The following MPPED2 variants were observed in gnomAD, a reference collection of about 807,000 sequenced individuals.
MPPED2 encodes metallophosphoesterase MPPED2.
In MPPED2, 5 loss-of-function variants were observed where a neutral mutation model predicts 33.0. The ratio of observed to expected loss-of-function variants is 0.15; its 90% CI spans 0.08 to 0.32. The LOEUF is 0.32. MPPED2 is among the 10% of genes least tolerant of loss of function. The probability of loss-of-function intolerance (pLI) is 1.00; values close to 1 mark genes in which losing one functional copy is unlikely to be tolerated. For missense variants in MPPED2, 275 were observed against 372.1 expected (o/e 0.74, Z 2.15); for synonymous variants, 136 against 141.9 (o/e 0.96, Z 0.29).
At chr11:30,508,305 T>C (rs905399003) in intron 3 of MPPED2, among the ~76,000 whole-genome samples, 1 of 152,340 alleles carries the variant, frequency 6.6e-6, no homozygotes, top group East Asian at 1.9e-4. Context: ...AGGGTCTTTG[T>C]TCCTAGACAT....
chr11:30,529,279 A>G (rs180932662), intron 3 of MPPED2, among the ~76,000 whole-genome samples: 4 of 152,378 alleles, frequency 2.6e-5, no homozygotes, highest in Admixed American at 6.5e-5. Context: ...AATGTTATAC[A>G]TCAAATAGTA....
At chr11:30,446,313 G>A (rs903526014) in intron 4 of MPPED2, among the ~76,000 whole-genome samples, 13 of 152,136 alleles carry the variant, frequency 8.5e-5, no homozygotes, top group African/African-American at 2.9e-4. Context: ...ACCACTTATT[G>A]AGCACCTAGC....
chr11:30,410,826 G>C lies in MPPED2; in HGVS notation c.*642C>G, dbSNP rs1450802801. The C allele has an allele frequency of 1.3e-5, 13 of 985,526 alleles. No individual in the cohort carries two copies. Among genetic ancestry groups the C allele is most frequent in the Non-Finnish European group, 1.6e-5 (13 of 829,834 alleles). 61.0% of individuals were successfully genotyped at this position (985,526 alleles called of 1,614,324 possible). A position where few individuals can be genotyped will look rare whatever the true frequency, so the allele number is the denominator to read the frequency against. On this transcript the variant is annotated 3_prime_UTR_variant, in exon 7 of 7. Transcript: ENST00000358117. ...TTTTTAAAGCTGAAATAATTTAAAA[G>C]AAACAAACAAACAATGAGACCTTGT...
At chr11:30,511,930 T>G (rs905665274) in intron 3 of MPPED2, among the ~76,000 whole-genome samples, 1 of 152,222 alleles carries the variant, frequency 6.6e-6, no homozygotes, top group African/African-American at 2.4e-5. Context: ...CGTCAATTAC[T>G]GTTGTTGTCC....
In MPPED2 at chr11:30,580,431, G is replaced by A. The variant is rs1957113069; in HGVS notation, c.-58C>T. 1 of 1,597,468 alleles carries A rather than the reference G, an allele frequency of 6.3e-7. No homozygotes were observed. The highest frequency in any genetic ancestry group is 8.6e-7 in the Non-Finnish European group (1 of 1,169,546). ...CTTTACAGAGCAAAAGATGGAAGCA[G>A]GCATGGTGCGTTTCAGCCAACCTCT... On this transcript the variant is annotated 5_prime_UTR_variant, in exon 2 of 7. Coordinates refer to ENST00000358117, the MANE Select transcript of MPPED2 (RefSeq NM_001584.3).
intron 4 of MPPED2, among the ~76,000 whole-genome samples, chr11:30,446,876 A>G (rs1949835680): frequency 6.6e-6 from 1 of 152,184 alleles, no homozygotes; most frequent in Admixed American, 6.5e-5. Context: ...TGAAAACAAC[A>G]ACTTATAATG....
downstream of MPPED2, among the ~76,000 whole-genome samples, chr11:30,406,347 C>T (rs1947989107): frequency 6.6e-6 from 1 of 152,140 alleles, no homozygotes; most frequent in Non-Finnish European, 1.5e-5. Context: ...ATGGAATGTC[C>T]AAATGCCAAA....
intron 5 of MPPED2, among the ~76,000 whole-genome samples, chr11:30,416,599 T>C (rs913347850): frequency 5.3e-5 from 8 of 152,224 alleles, no homozygotes; most frequent in African/African-American, 2.4e-5. Context: ...TTTAGCATTG[T>C]ACACTGAAAA....
At chr11:30,584,018 C>T (rs534633557) in intron 1 of MPPED2, 2 of 152,306 alleles carry the variant, frequency 1.3e-5, no homozygotes, top group Admixed American at 6.5e-5. Flanking sequence ...GGAGCGATGC[C>T]CACACGCCTT....
chr11:30,567,859 T>G (rs766240487), intron 2 of MPPED2, among the ~76,000 whole-genome samples: 31 of 152,226 alleles, frequency 2.0e-4, no homozygotes, highest in Non-Finnish European at 1.3e-4. Context: ...AAGTGTTTAT[T>G]AAGTCTCTGC....
At chr11:30,389,573 G>A (rs1390662640) in intron 6 of MPPED2, among the ~76,000 whole-genome samples, 1 of 152,110 alleles carries the variant, frequency 6.6e-6, no homozygotes, top group Non-Finnish European at 1.5e-5. Context: ...GTAGGATTTA[G>A]GTTTAAAATA....
chr11:30,566,682 A>T (rs1319350908), intron 2 of MPPED2, among the ~76,000 whole-genome samples: 1 of 152,216 alleles, frequency 6.6e-6, no homozygotes, highest in Non-Finnish European at 1.5e-5. Context: ...GTGTTGACAG[A>T]GTCTCCAGAA....
At chr11:30,391,622 T>C (rs1394590203) in intron 6 of MPPED2, among the ~76,000 whole-genome samples, 1 of 152,038 alleles carries the variant, frequency 6.6e-6, no homozygotes, top group Non-Finnish European at 1.5e-5. Flanking sequence ...TGTGTACATG[T>C]GTGGATTCAA....
chr11:30,445,610 C>A (rs1949769939), intron 4 of MPPED2, among the ~76,000 whole-genome samples: 2 of 152,186 alleles, frequency 1.3e-5, no homozygotes, highest in Admixed American at 6.5e-5. Flanking sequence ...TAAATGATAA[C>A]CCCCTTCACC....
chr11:30,555,182 G>A (rs1044294984), intron 2 of MPPED2, among the ~76,000 whole-genome samples: 1 of 152,018 alleles, frequency 6.6e-6, no homozygotes, highest in Non-Finnish European at 1.5e-5. Flanking sequence ...ACTCAGCCAG[G>A]ACTCAGTCCA....
chr11:30,442,626 G>A (rs1193999492), intron 4 of MPPED2, among the ~76,000 whole-genome samples: 1 of 152,182 alleles, frequency 6.6e-6, no homozygotes, highest in Non-Finnish European at 1.5e-5. Context: ...AGGCTAGAGT[G>A]ACCAACTCCA....
At chr11:30,501,570 T>C (rs1224983886) in intron 3 of MPPED2, 15 of 944,478 alleles carry the variant, frequency 1.6e-5, no homozygotes, top group Non-Finnish European at 1.9e-5. Context: ...TACCAAAAAA[T>C]GTGCCGAGTG....
At chr11:30,386,926 A>T (rs1281247141) in exon 7 of MPPED2, 2 of 395,218 alleles carry the variant, frequency 5.1e-6, no homozygotes, top group East Asian at 3.6e-5. Context: ...CACTTGCCTC[A>T]TATATGCCTA....
intron 2 of MPPED2, among the ~76,000 whole-genome samples, chr11:30,551,455 A>T (rs1565176629): frequency 6.6e-6 from 1 of 152,166 alleles, no homozygotes; most frequent in African/African-American, 2.4e-5. Flanking sequence ...CACAAACTCA[A>T]TGCTAAGTTG....
Sources: gnomAD v4.1 joint callset for allele counts (sites outside exome capture counted in the v4.1 genomes callset) on GRCh38, gnomAD v4.1.1 for gene constraint, MANE v1.5 for transcripts, NCBI Gene and HGNC (gene_info 2026-07-23, HGNC 2026-07-21) for gene names.